GRID1: variants seen among roughly 807,000 people sequenced by gnomAD.
The protein encoded by GRID1 is glutamate ionotropic receptor delta type subunit 1, also known as glutamate receptor ionotropic, delta-1.
In GRID1, 28 loss-of-function variants were observed where a neutral mutation model predicts 98.0. The observed-to-expected ratio is 0.29, with a 90% CI of 0.21 to 0.39. The LOEUF is 0.39. GRID1 is among the 10% of genes least tolerant of loss of function. The probability of loss-of-function intolerance (pLI) is 1.00; values close to 1 mark genes in which losing one functional copy is unlikely to be tolerated. For missense variants in GRID1, 1,111 were observed against 1,340.5 expected, an observed-to-expected ratio of 0.83 and a Z score of 2.67; for synonymous variants, 553 against 538.5, an observed-to-expected ratio of 1.03 and a Z score of -0.37.
At chr10:86,234,366 G>A (rs1337693436) in intron 2 of GRID1, among the ~76,000 whole-genome samples, 3 of 152,166 alleles carry the variant, frequency 2.0e-5, no homozygotes, top group Non-Finnish European at 2.9e-5. Flanking sequence ...CTCCCCAGTG[G>A]AGCCAAAAGA....
At chr10:85,635,884 C>T (rs1843034884) in intron 13 of GRID1, among the ~76,000 whole-genome samples, 1 of 152,220 alleles carries the variant, frequency 6.6e-6, no homozygotes, top group Non-Finnish European at 1.5e-5. Context: ...AAGTTTCATT[C>T]TGATCACGAG....
chr10:86,336,756 T>C (rs1300446683), intron 2 of GRID1, among the ~76,000 whole-genome samples: 1 of 152,084 alleles, frequency 6.6e-6, no homozygotes, highest in Non-Finnish European at 1.5e-5. Flanking sequence ...ATAAATTGTT[T>C]CTGACAGTTG....
intron 4 of GRID1, among the ~76,000 whole-genome samples, chr10:86,016,412 C>A (rs1333709438): frequency 6.6e-6 from 1 of 152,058 alleles, no homozygotes; most frequent in Non-Finnish European, 1.5e-5. Context: ...CTTTCTGAAT[C>A]CCTAGAGTGT....
In GRID1 at chr10:85,916,252, A is replaced by G. The variant is rs747318760; in HGVS notation, c.727-13T>C. 4 of 1,608,008 alleles carry G rather than the reference A, an allele frequency of 2.5e-6. No individual in the cohort carries two copies. Among genetic ancestry groups the G allele is most frequent in the Non-Finnish European group, 3.4e-6 (4 of 1,174,500 alleles). ...TGGTCTCCACGGCCTGCAGAGAGAA[A>G]AAGAACGAACATGAACAGAAGCAAG... On this transcript the variant is annotated splice_polypyrimidine_tract_variant and intron_variant, in intron 4 of 15. Transcript: ENST00000327946. This position sits in a 1 kb window ranked among gnomAD's most constrained non-coding sequence, Gnocchi z 4.0.
chr10:85,834,513 T>TA (rs1303282671), intron 8 of GRID1, among the ~76,000 whole-genome samples: 1 of 152,200 alleles, frequency 6.6e-6, no homozygotes, highest in Non-Finnish European at 1.5e-5. Flanking sequence ...CTTTAGGAAG[T>TA]AAAAACAACA....
chr10:85,720,343 T>C (rs944170658), intron 12 of GRID1, among the ~76,000 whole-genome samples: 1 of 152,024 alleles, frequency 6.6e-6, no homozygotes, highest in African/African-American at 2.4e-5. Context: ...TTTATATATA[T>C]AGATGCACGT....
chr10:85,893,242 A>G lies in GRID1; in HGVS notation c.780+22944T>C, dbSNP rs547049065. The stretch of plus-strand genomic sequence containing the variant: ...TAAAAGAAAACTTCTTCAACATGAT[A>G]AAGGATATCAACAATCAACCTACAT... On this transcript the variant is annotated intron_variant, in intron 5 of 15. Coordinates refer to ENST00000327946, the MANE Select transcript of GRID1 (RefSeq NM_017551.3). Among the ~76,000 whole-genome samples, 5 of 152,314 alleles carry G rather than the reference A, an allele frequency of 3.3e-5. No individual in the cohort carries two copies. The South Asian group carries it at 6.2e-4, about 19-fold the overall frequency.
At chr10:85,802,364 C>T (rs767822226) in intron 8 of GRID1, among the ~76,000 whole-genome samples, 8 of 152,082 alleles carry the variant, frequency 5.3e-5, no homozygotes, top group Admixed American at 2.0e-4. Flanking sequence ...AGTATTGGTA[C>T]AGTGATAGAT....
intron 8 of GRID1, among the ~76,000 whole-genome samples, chr10:85,822,086 A>G (rs2131752872): frequency 6.6e-6 from 1 of 152,328 alleles, no homozygotes; most frequent in African/African-American, 2.4e-5. Context: ...TAAAAACCCT[A>G]GAAGAAAACC....
In GRID1 at chr10:85,865,932, TATATATATATAC is replaced by T. The variant is rs1214654714; in HGVS notation, c.951+3066_951+3077del. Among the ~76,000 whole-genome samples, 40 of 114,160 alleles carry T rather than the reference TATATATATATAC, an allele frequency of 3.5e-4. 5 individuals are homozygous for T. The highest frequency in any genetic ancestry group is 1.3e-3 in the African/African-American group (37 of 28,676). 74.9% of individuals were successfully genotyped at this position (114,160 alleles called of 152,430 possible). A position where few individuals can be genotyped will look rare whatever the true frequency, so the allele number is the denominator to read the frequency against. On this transcript the variant is annotated intron_variant, in intron 6 of 15. Transcript: ENST00000327946. ...ATATACATATATATATATATATATA[TATATATATATAC>T]ACATATATATGGAGAGAGAGAGAGA...
At chr10:86,319,066 C>A (rs1201445915) in intron 2 of GRID1, among the ~76,000 whole-genome samples, 1 of 152,082 alleles carries the variant, frequency 6.6e-6, no homozygotes, top group Admixed American at 6.5e-5. Flanking sequence ...GTGGGGGGAA[C>A]TGGGAGTGCA....
At chr10:85,970,483 A>G (rs1842393448) in intron 4 of GRID1, among the ~76,000 whole-genome samples, 2 of 152,094 alleles carry the variant, frequency 1.3e-5, no homozygotes, top group African/African-American at 4.8e-5. Flanking sequence ...GTCAAGTGAG[A>G]TTTATCCTAG....
intron 15 of GRID1, among the ~76,000 whole-genome samples, chr10:85,612,533 A>C (rs555312863): frequency 6.6e-6 from 1 of 152,086 alleles, no homozygotes; most frequent in African/African-American, 2.4e-5. Context: ...GTTTATATCC[A>C]TCTGCACCCA....
intron 2 of GRID1, among the ~76,000 whole-genome samples, chr10:86,301,127 C>T (rs897040903): frequency 2.0e-5 from 3 of 152,154 alleles, no homozygotes; most frequent in African/African-American, 7.2e-5. Context: ...CAGGTGCCCC[C>T]CACCCACCAG....
At chr10:86,345,757 A>G (rs1343742198) in intron 2 of GRID1, among the ~76,000 whole-genome samples, 2 of 152,012 alleles carry the variant, frequency 1.3e-5, no homozygotes, top group Non-Finnish European at 2.9e-5. Context: ...AGATCCTTTG[A>G]TGCTCAGGGG....
chr10:85,666,867 G>A (rs1026126812), intron 12 of GRID1, among the ~76,000 whole-genome samples: 8 of 152,068 alleles, frequency 5.3e-5, no homozygotes, highest in South Asian at 2.1e-4. Context: ...CCCAGGTCTC[G>A]CACTAACACC....
chr10:85,704,826 CG>C (rs1841496510), intron 12 of GRID1, among the ~76,000 whole-genome samples: 1 of 152,116 alleles, frequency 6.6e-6, no homozygotes, highest in South Asian at 2.1e-4. Context: ...TACTCAAAAC[CG>C]CTCAACTACA....
At chr10:86,152,064 G>A (rs746390262) in intron 3 of GRID1, among the ~76,000 whole-genome samples, 1 of 152,266 alleles carries the variant, frequency 6.6e-6, no homozygotes, top group Non-Finnish European at 1.5e-5. Flanking sequence ...ACTAGGAACA[G>A]CAGGGAGTGC....
At chr10:86,158,255 C>A (rs1845273267) in intron 3 of GRID1, among the ~76,000 whole-genome samples, 2 of 152,188 alleles carry the variant, frequency 1.3e-5, no homozygotes, top group African/African-American at 4.8e-5. Flanking sequence ...GTGCCTCTCA[C>A]CTCTCTGCAC....
Sources: gnomAD v4.1 joint callset for allele counts (sites outside exome capture counted in the v4.1 genomes callset) on GRCh38, gnomAD v4.1.1 for gene constraint, Gnocchi (gnomAD v3.1) non-coding constraint, MANE v1.5 for transcripts, NCBI Gene and HGNC (gene_info 2026-07-23, HGNC 2026-07-21) for gene names.